DHRSX: variants seen among roughly 807,000 people sequenced by gnomAD.
DHRSX encodes polyprenol dehydrogenase.
Under a neutral mutation model 34.0 loss-of-function variants are expected in DHRSX, and 31 were observed. The ratio of observed to expected loss-of-function variants is 0.91; its 90% CI spans 0.69 to 1.23. The LOEUF is 1.23. Among genes scored for constraint, DHRSX ranks in the 50% most tolerant of loss-of-function variants. The pLI is 0.00. For missense variants in DHRSX, 414 were observed against 428.1 expected, an observed-to-expected ratio of 0.97 and a Z score of 0.29; for synonymous variants, 201 against 183.8, an observed-to-expected ratio of 1.09 and a Z score of -0.76.
In DHRSX at chrX:2,341,464, C is replaced by A. The variant is rs936946168; in HGVS notation, c.287-49861G>T. 8.5e-5 allele frequency among the ~76,000 whole-genome samples: 13 copies of A among 152,134 alleles called. 1 individual carries two copies. Among genetic ancestry groups the A allele is most frequent in the African/African-American group, 2.9e-4 (12 of 41,454 alleles). The stretch of plus-strand genomic sequence containing the variant: ...TATGGCCGCATCACTCCAGTCTCTG[C>A]CTCCGTCTCCACGTGGCCTTCTCCT... On this transcript the variant is annotated intron_variant, in intron 3 of 6. Transcript: ENST00000334651.
intron 4 of DHRSX, among the ~76,000 whole-genome samples, chrX:2,271,252 C>G (rs1021861012): frequency 6.6e-6 from 1 of 152,192 alleles, no homozygotes; most frequent in Non-Finnish European, 1.5e-5. Flanking sequence ...TCGGGACGCA[C>G]CATCTTTAAA....
chrX:2,297,378 C>A (rs2041947008), intron 3 of DHRSX, among the ~76,000 whole-genome samples: 1 of 152,142 alleles, frequency 6.6e-6, no homozygotes, highest in Admixed American at 6.6e-5. Flanking sequence ...CCGCCTTGGC[C>A]TCTCAAAGTG....
intron 3 of DHRSX, among the ~76,000 whole-genome samples, chrX:2,389,438 G>T (rs749735005): frequency 6.6e-6 from 1 of 152,306 alleles, no homozygotes; most frequent in Admixed American, 6.5e-5. Context: ...GGGTAGGTAG[G>T]TTTCGTGTCC....
Position 2,449,289 on chromosome X carries a change from T to A in DHRSX, c.110-23985A>T, listed in dbSNP as rs779824061. Among the ~76,000 whole-genome samples, 18 of 152,086 alleles carry A rather than the reference T, an allele frequency of 1.2e-4. No individual in the cohort carries two copies. In the East Asian group the frequency reaches 3.5e-3, roughly 29 times the overall value. ...CTCACAAAGCGGCGAGTGTTCCCAG[T>A]TATTACTCGGAGGGCCGGGCCTGCT... On this transcript the variant is annotated intron_variant, in intron 1 of 6. Transcript: ENST00000334651.
intron 3 of DHRSX, among the ~76,000 whole-genome samples, chrX:2,322,815 A>AT (rs1269870564): frequency 6.6e-6 from 1 of 152,164 alleles, no homozygotes; most frequent in Non-Finnish European, 1.5e-5. Flanking sequence ...TAGGATATTC[A>AT]TAAGTTTTGG....
intron 2 of DHRSX, among the ~76,000 whole-genome samples, chrX:2,423,346 G>A (rs2043804648): frequency 2.0e-5 from 3 of 152,058 alleles, no homozygotes; most frequent in Non-Finnish European, 4.4e-5. Flanking sequence ...CCAGGAGGCA[G>A]GGGATGCCGT....
intron 3 of DHRSX, among the ~76,000 whole-genome samples, chrX:2,367,812 T>C (rs1252551955): frequency 6.6e-6 from 1 of 152,196 alleles, no homozygotes; most frequent in Non-Finnish European, 1.5e-5. Context: ...CTGTTCAAAT[T>C]ATTCTCTGCG....
intron 5 of DHRSX, among the ~76,000 whole-genome samples, chrX:2,265,838 G>C: frequency 7.8e-6 from 1 of 127,576 alleles, no homozygotes; most frequent in African/African-American, 2.9e-5. Context: ...GAGCACCAGT[G>C]TACAGCAGAC....
At chrX:2,321,756 T>A (rs998072228) in intron 3 of DHRSX, among the ~76,000 whole-genome samples, 1 of 151,962 alleles carries the variant, frequency 6.6e-6, no homozygotes, top group African/African-American at 2.4e-5. Flanking sequence ...ACAACACAGG[T>A]TTGAATTGCA....
At chrX:2,402,702 C>A (rs2043501125) in intron 3 of DHRSX, among the ~76,000 whole-genome samples, 1 of 136,978 alleles carries the variant, frequency 7.3e-6, no homozygotes, top group Admixed American at 7.1e-5. Flanking sequence ...AAACTTTTTT[C>A]TTTTAAAAAA....
At chrX:2,304,339 T>TGATGGATGGATGGATGGATGAACTGATG (rs1569485962) in intron 3 of DHRSX, among the ~76,000 whole-genome samples, 7 of 117,960 alleles carry the variant, frequency 5.9e-5, no homozygotes, top group African/African-American at 2.0e-4. Context: ...ATGGATGAAC[T>TGATGGATGGATGGATGGATGAACTGATG]GATGGATGGA....
At chrX:2,318,210 A>G (rs2042263535) in intron 3 of DHRSX, among the ~76,000 whole-genome samples, 1 of 146,016 alleles carries the variant, frequency 6.8e-6, no homozygotes, top group Non-Finnish European at 1.5e-5. Context: ...AAAAAAAAAA[A>G]GCAGCTGGGT....
intron 5 of DHRSX, among the ~76,000 whole-genome samples, chrX:2,249,193 T>TTC (rs1458721346): frequency 7.4e-6 from 1 of 135,042 alleles, no homozygotes; most frequent in Non-Finnish European, 1.6e-5. Flanking sequence ...TCATAAATCT[T>TTC]TTTTTTTTTT....
intron 3 of DHRSX, among the ~76,000 whole-genome samples, chrX:2,328,891 T>TTC (rs1271842698): frequency 9.9e-5 from 15 of 152,040 alleles, no homozygotes; most frequent in African/African-American, 3.4e-4. Flanking sequence ...CGGAAGAGTG[T>TTC]TCTGTATGTT....
intron 1 of DHRSX, among the ~76,000 whole-genome samples, chrX:2,481,372 G>A (rs1319604880): frequency 2.6e-5 from 4 of 152,128 alleles, no homozygotes; most frequent in Non-Finnish European, 5.9e-5. Flanking sequence ...TGCTCAAGGT[G>A]TATCCACACT....
intron 5 of DHRSX, among the ~76,000 whole-genome samples, chrX:2,253,274 G>GCACTGCAGCCTAGGAGGCGGACATGGCCT (rs2016478486): frequency 3.7e-5 from 5 of 133,826 alleles, no homozygotes; most frequent in African/African-American, 8.6e-5. Context: ...GGACGTGGTC[G>GCACTGCAGCCTAGGAGGCGGACATGGCCT]TGAGCCAAGA....
chrX:2,262,219 A>T (rs2041372844), intron 5 of DHRSX, among the ~76,000 whole-genome samples: 1 of 152,188 alleles, frequency 6.6e-6, no homozygotes, highest in African/African-American at 2.4e-5. Context: ...GGAGGCCTAC[A>T]CAATCCTGCA....
At chrX:2,392,611 T>G (rs1290195398) in intron 3 of DHRSX, 1 of 157,996 alleles carries the variant, frequency 6.3e-6, no homozygotes, top group East Asian at 1.8e-4. Flanking sequence ...TATATGCTTA[T>G]TATATATTAT....
chrX:2,304,883 C>A (rs1296926921), intron 3 of DHRSX, among the ~76,000 whole-genome samples: 1 of 151,932 alleles, frequency 6.6e-6, no homozygotes, highest in Non-Finnish European at 1.5e-5. Context: ...AGAAATCATT[C>A]TATTATAAAG....
Sources: allele counts gnomAD v4.1 joint callset (sites outside exome capture counted in the v4.1 genomes callset), GRCh38; gene constraint gnomAD v4.1.1; transcripts MANE v1.5; gene names NCBI Gene and HGNC (gene_info 2026-07-23, HGNC 2026-07-21).